Variants in MRAP observed in about 807,000 individuals in gnomAD.
The protein encoded by MRAP is melanocortin-2 receptor accessory protein.
In MRAP, 8 loss-of-function variants were observed where a neutral mutation model predicts 8.7. That is an observed-to-expected ratio of 0.92 (90% CI 0.54 to 1.66). The LOEUF (loss-of-function observed/expected upper bound fraction) is 1.66, where lower values mean the gene tolerates loss of function less well. Among genes scored for constraint, MRAP ranks in the 40% most tolerant of loss-of-function variants. MRAP has a pLI of 0.00. For missense variants in MRAP, 237 were observed against 217.1 expected (o/e 1.09, Z -0.58); for synonymous variants, 95 against 95.5 (o/e 1.00, Z 0.03).
rs536471827 is a variant in MRAP, at chr21:32,311,061, T to A, written c.207-623T>A. 7.2e-5 allele frequency: 11 copies of A among 152,574 alleles called. 1 individual carries two copies. Among genetic ancestry groups the A allele is most frequent in the African/African-American group, 2.4e-4 (10 of 41,562 alleles). The allele number at this position is 152,574 out of a possible 1,614,324, so 9.5% of individuals were successfully genotyped here. On this transcript the variant is annotated intron_variant, in intron 2 of 2. Transcript: ENST00000303645. The stretch of plus-strand genomic sequence containing the variant: ...GGTTTAATGGACTCACAGTTTCACA[T>A]GGCGGGGGAGGCTTCACAGTCATGG...
intron 1 of MRAP, among the ~76,000 whole-genome samples, chr21:32,305,825 G>A (rs921286404): frequency 1.3e-5 from 2 of 151,790 alleles, no homozygotes; most frequent in Non-Finnish European, 2.9e-5. Flanking sequence ...AAACTGTCGT[G>A]CTAGAAAGTA....
upstream of MRAP, among the ~76,000 whole-genome samples, chr21:32,295,750 C>T (rs747709283): frequency 1.3e-5 from 2 of 152,046 alleles, no homozygotes; most frequent in African/African-American, 2.4e-5. Flanking sequence ...CCGAGGCAGG[C>T]GGATCTCCTG....
At chr21:32,299,893 G>A (rs1187599741) in intron 1 of MRAP, among the ~76,000 whole-genome samples, 1 of 152,076 alleles carries the variant, frequency 6.6e-6, no homozygotes. Context: ...TTATCTCTTG[G>A]CTAACGTGGC....
chr21:32,299,159 A>G, intron 1 of MRAP, 82 bp downstream of exon 1: 2 of 1,033,574 alleles, frequency 1.9e-6, no homozygotes, highest in Non-Finnish European at 3.0e-6. Context: ...CTTTCTCTGC[A>G]TTCACTTATT....
intron 1 of MRAP, among the ~76,000 whole-genome samples, chr21:32,292,511 C>A (rs1328440491): frequency 1.3e-5 from 2 of 152,134 alleles, no homozygotes; most frequent in South Asian, 4.1e-4. Context: ...GGTTGGAATA[C>A]AGTGGCGTGA....
At position 32,300,759 on chromosome 21, in the gene MRAP, T is replaced by TA. The variant is rs1025789395; in HGVS notation, c.106+1682_106+1683insA. On this transcript the variant is annotated intron_variant, in intron 1 of 2. Transcript: ENST00000303645. ...CTATGTCAGTGTGTCGTGCGTCCTATGTCAGGGGCGTCATGCCTCCTATGT... is the reference window on the plus strand; with the variant it reads ...CTATGTCAGTGTGTCGTGCGTCCTATAGTCAGGGGCGTCATGCCTCCTATGT... Among the ~76,000 whole-genome samples, 6 of 151,396 alleles carry TA rather than the reference T, an allele frequency of 4.0e-5. No individual in the cohort carries two copies. In the East Asian group the frequency reaches 5.8e-4, roughly 15 times the overall value.
chr21:32,312,423 C>T (rs570196424), downstream of MRAP: 10 of 770,926 alleles, frequency 1.3e-5, no homozygotes, highest in South Asian at 2.5e-4. Context: ...TCCACTAACA[C>T]CCGCCGGCTC....
chr21:32,299,133 G>A, intron 1 of MRAP, 56 bp downstream of exon 1: 8 of 1,360,092 alleles, frequency 5.9e-6, no homozygotes, highest in Non-Finnish European at 8.4e-6. Context: ...GGGCCCAAAT[G>A]ACTGGGCACT....
At chr21:32,300,947 A>G (rs557059736) in intron 1 of MRAP, among the ~76,000 whole-genome samples, 2 of 150,978 alleles carry the variant, frequency 1.3e-5, no homozygotes, top group South Asian at 4.2e-4. Flanking sequence ...TGTCATATCA[A>G]TGATATATCA....
upstream of MRAP, among the ~76,000 whole-genome samples, chr21:32,297,045 A>G (rs2032153331): frequency 6.6e-6 from 1 of 152,236 alleles, no homozygotes; most frequent in Non-Finnish European, 1.5e-5. Flanking sequence ...CCACTGTTCT[A>G]TATGGAGCTG....
intron 2 of MRAP, among the ~76,000 whole-genome samples, chr21:32,308,354 G>A (rs1312974703): frequency 6.6e-6 from 1 of 151,868 alleles, no homozygotes; most frequent in Non-Finnish European, 1.5e-5. Context: ...TCCAGCCTGG[G>A]CAAGAAGAGA....
intron 1 of MRAP, among the ~76,000 whole-genome samples, chr21:32,304,528 C>T (rs931100475): frequency 1.3e-5 from 2 of 151,744 alleles, no homozygotes; most frequent in African/African-American, 4.8e-5. Context: ...GGCGGGAGAA[C>T]GACTTGAACC....
rs2032600350 is a variant in MRAP, at chr21:32,312,229, T to G, written c.*233T>G. 1 of 1,441,830 alleles carries G rather than the reference T, an allele frequency of 6.9e-7. No homozygotes were observed. The highest frequency in any genetic ancestry group is 9.1e-7 in the Non-Finnish European group (1 of 1,100,516). The allele number at this position is 1,441,830 out of a possible 1,614,324, so 89.3% of individuals were successfully genotyped here. Reference sequence around the variant, plus strand: ...ATTGAGCACACCTAGCCTGCTTGCTTACTGCTTATATTTGCTCAGGGAAGA... The same window carrying G: ...ATTGAGCACACCTAGCCTGCTTGCTGACTGCTTATATTTGCTCAGGGAAGA... On this transcript the variant is annotated 3_prime_UTR_variant, in exon 3 of 3. Coordinates refer to ENST00000303645, the MANE Select transcript of MRAP (RefSeq NM_001379228.1).
Position 32,300,855 on chromosome 21 carries a change from A to AT in MRAP, c.106+1778_106+1779insT, listed in dbSNP as rs2032273544. On this transcript the variant is annotated intron_variant, in intron 1 of 2. Transcript: ENST00000303645. Reference sequence around the variant, plus strand: ...TCGGATATGTCATGCGCCCTATGTCAGGGGCGTCATGCGTCCTATGTCGGG... The same window carrying AT: ...TCGGATATGTCATGCGCCCTATGTCATGGGGCGTCATGCGTCCTATGTCGGG... Among the ~76,000 whole-genome samples, 6 of 149,326 alleles carry AT rather than the reference A, an allele frequency of 4.0e-5. No homozygotes were observed. The South Asian group carries it at 1.3e-3, about 32-fold the overall frequency.
At chr21:32,297,715 A>G (rs2032165473), upstream of MRAP, among the ~76,000 whole-genome samples, 1 of 152,232 alleles carries the variant, frequency 6.6e-6, no homozygotes. Flanking sequence ...CTTGGTATGG[A>G]AAAGCCCACA....
chr21:32,298,708 C>A, upstream of MRAP: 2 of 433,416 alleles, frequency 4.6e-6, no homozygotes, highest in Non-Finnish European at 8.7e-6. Flanking sequence ...CGTTCTCCTG[C>A]CTCTCTGCTC....
chr21:32,306,813 C>T (rs1266246728), intron 2 of MRAP, 74 bp downstream of exon 2: 2 of 1,191,344 alleles, frequency 1.7e-6, no homozygotes, highest in East Asian at 2.3e-5. Context: ...GTTGAGTATC[C>T]CTCATCCAAA....
intron 1 of MRAP, among the ~76,000 whole-genome samples, chr21:32,300,627 AGATGCGTCACACGTCCTATGCCG>A (rs2032246712): frequency 1.4e-4 from 6 of 43,230 alleles, no homozygotes; most frequent in South Asian, 6.3e-4. Flanking sequence ...GTCGTATGTC[AGATGCGTCACACGTCCTATGCCG>A]GGGGCGTCAC....
chr21:32,311,522 C>A, intron 2 of MRAP, 162 bp from the exon 3 acceptor site: 1 of 949,276 alleles, frequency 1.1e-6, no homozygotes, highest in Non-Finnish European at 1.5e-6. Flanking sequence ...TCTAGAATGG[C>A]CACCTTTGTG....
Sources: gnomAD v4.1 joint callset for allele counts (sites outside exome capture counted in the v4.1 genomes callset) on GRCh38, gnomAD v4.1.1 for gene constraint, MANE v1.5 for transcripts, NCBI Gene and HGNC (gene_info 2026-07-23, HGNC 2026-07-21) for gene names.